The following NECAB2 variants were observed in gnomAD, a reference collection of about 807,000 sequenced individuals.
NECAB2 encodes the protein N-terminal EF-hand calcium binding protein 2.
NECAB2 carries 68 observed loss-of-function variants against 51.9 expected under a neutral mutation model. That is an observed-to-expected ratio of 1.31 (90% CI 1.08 to 1.60). The LOEUF (loss-of-function observed/expected upper bound fraction) is 1.60. Among genes scored for constraint, NECAB2 ranks in the 40% most tolerant of loss-of-function variants. NECAB2 has a pLI of 0.00. For missense variants in NECAB2, 854 were observed against 490.3 expected (o/e 1.74, Z -7.00); for synonymous variants, 329 against 203.5 (o/e 1.62, Z -5.25).
chr16:83,977,134 C>T (rs2084420751), intron 2 of NECAB2, among the ~76,000 whole-genome samples: 1 of 152,234 alleles, frequency 6.6e-6, no homozygotes, highest in Non-Finnish European at 1.5e-5. Flanking sequence ...CATGTGGACT[C>T]TCAGGGCCCT....
In NECAB2 at chr16:83,980,915, G is replaced by A. The variant is rs1158894224; in HGVS notation, c.361+51G>A. ...AAGATGGGGATGCTGGGATGGGGCT[G>A]GATGAGAAGGGCCTGAGGCAGGGGA... is the stretch of plus-strand genomic sequence containing the variant. On this transcript the variant is annotated intron_variant, in intron 4 of 12. Transcript: ENST00000305202. 1.9e-6 allele frequency: 3 copies of A among 1,612,454 alleles called. No homozygotes were observed. The African/African-American group carries it at 4.0e-5, about 22-fold the overall frequency.
chr16:83,989,102 C>G (rs894051008), intron 5 of NECAB2, among the ~76,000 whole-genome samples: 1 of 152,214 alleles, frequency 6.6e-6, no homozygotes, highest in South Asian at 2.1e-4. Flanking sequence ...CTGATCACTT[C>G]TAGCAGCCTT....
At chr16:83,999,269 G>A (rs112081162) in intron 10 of NECAB2, among the ~76,000 whole-genome samples, 14 of 119,702 alleles carry the variant, frequency 1.2e-4, no homozygotes, top group East Asian at 4.9e-4. Context: ...TAGCCAGGAT[G>A]GGGGGGCAGG....
chr16:83,995,709 A>G (rs1208987571), intron 8 of NECAB2, among the ~76,000 whole-genome samples: 1 of 152,110 alleles, frequency 6.6e-6, no homozygotes, highest in Admixed American at 6.6e-5. Flanking sequence ...GTTCTCAGGC[A>G]TTCATGGGGG....
intron 11 of NECAB2, 42 bp downstream of exon 11, chr16:84,000,843 G>A (rs766814587): frequency 1.0e-5 from 14 of 1,388,242 alleles, no homozygotes; most frequent in Admixed American, 3.6e-5. Flanking sequence ...GAGACAGAGG[G>A]AAGTGGGGGG....
At chr16:83,995,291 C>G (rs7203413) in intron 8 of NECAB2, among the ~76,000 whole-genome samples, 19,138 of 152,098 alleles carry the variant, frequency 0.13, 2,195 homozygotes, top group African/African-American at 0.31. Context: ...CAGATGGGCT[C>G]AGGTATCAGT....
intron 2 of NECAB2, among the ~76,000 whole-genome samples, chr16:83,978,068 G>A (rs767299774): frequency 6.6e-6 from 1 of 152,172 alleles, no homozygotes; most frequent in Non-Finnish European, 1.5e-5. Context: ...CACTGGCAGG[G>A]GGCAGATACT....
chr16:84,002,438 A>C lies in NECAB2; in HGVS notation c.*92A>C. ...TTCTAGACAGACACTTTGGTGCAGA[A>C]GCTTCTTTTCAATCCATCCTCCACA... On this transcript the variant is annotated 3_prime_UTR_variant, in exon 13 of 13. Transcript: ENST00000305202. 6.7e-7 allele frequency: 1 copy of C among 1,489,674 alleles called. No homozygotes were observed. Among genetic ancestry groups the C allele is most frequent in the East Asian group, 2.3e-5 (1 of 44,172 alleles). 92.3% of individuals were successfully genotyped at this position (1,489,674 alleles called of 1,614,324 possible). A position where few individuals can be genotyped will look rare whatever the true frequency, so the allele number is the denominator to read the frequency against.
intron 2 of NECAB2, among the ~76,000 whole-genome samples, chr16:83,975,603 T>C (rs950989555): frequency 6.6e-6 from 1 of 152,072 alleles, no homozygotes; most frequent in Non-Finnish European, 1.5e-5. Flanking sequence ...AGAGACTTGT[T>C]TGGCTGAGCT....
intron 1 of NECAB2, 45 bp downstream of exon 1, chr16:83,968,894 A>T (rs1217024841): frequency 9.5e-7 from 1 of 1,048,038 alleles, no homozygotes; most frequent in Non-Finnish European, 1.2e-6. Context: ...CTCCGCTGGG[A>T]CCCGGAGCCC....
upstream of NECAB2, chr16:83,965,852 A>G (rs2084274351): frequency 6.2e-7 from 1 of 1,612,922 alleles, no homozygotes; most frequent in Non-Finnish European, 8.5e-7. Context: ...GAGGAACCCC[A>G]TTGACGTGGA....
intron 6 of NECAB2, 76 bp downstream of exon 6, chr16:83,990,706 G>C: frequency 6.4e-7 from 1 of 1,569,588 alleles, no homozygotes; most frequent in East Asian, 2.3e-5. Context: ...TGCTTGGTGG[G>C]GATGTCTGTG....
chr16:83,983,794 G>A (rs2084517783), intron 5 of NECAB2, among the ~76,000 whole-genome samples: 1 of 152,150 alleles, frequency 6.6e-6, no homozygotes, highest in African/African-American at 2.4e-5. Context: ...ATTTTGTGAA[G>A]TGGTTTTGAA....
chr16:84,002,647 CCACACTGACCA>C lies in NECAB2; in HGVS notation c.*305_*315del. On this transcript the variant is annotated 3_prime_UTR_variant, in exon 13 of 13. Transcript: ENST00000305202. The stretch of plus-strand genomic sequence containing the variant: ...TACCCCTCACATGGCCACGCATGAC[CCACACTGACCA>C]CACCCTGCCCTCTTCGGTGACATTC... 2.0e-6 allele frequency: 1 copy of C among 510,422 alleles called. No individual in the cohort carries two copies. The highest frequency in any genetic ancestry group is 2.1e-5 in the South Asian group (1 of 46,566). The allele number at this position is 510,422 out of a possible 1,614,324, so 31.6% of individuals were successfully genotyped here.
intron 1 of NECAB2, among the ~76,000 whole-genome samples, chr16:83,969,699 G>C (rs71404126): frequency 5.3e-5 from 8 of 151,338 alleles, no homozygotes; most frequent in Admixed American, 4.6e-4. Flanking sequence ...TCTCCCAGCA[G>C]AGAGTGCTAG....
At chr16:83,991,542 T>G (rs929145122) in intron 6 of NECAB2, among the ~76,000 whole-genome samples, 1 of 151,748 alleles carries the variant, frequency 6.6e-6, no homozygotes, top group East Asian at 1.9e-4. Context: ...AATTTTTGTA[T>G]TTTTAGTAGA....
chr16:83,999,207 T>C (rs1567679696), intron 10 of NECAB2, among the ~76,000 whole-genome samples: 1 of 151,546 alleles, frequency 6.6e-6, no homozygotes, highest in African/African-American at 2.4e-5. Flanking sequence ...TGGGCAGGAG[T>C]GCGGCCGTTC....
intron 6 of NECAB2, among the ~76,000 whole-genome samples, chr16:83,991,017 G>T (rs9921393): frequency 6.6e-6 from 1 of 151,964 alleles, no homozygotes; most frequent in Non-Finnish European, 1.5e-5. Flanking sequence ...AAAAAGTGTC[G>T]CTCTGTCGCC....
upstream of NECAB2, among the ~76,000 whole-genome samples, chr16:83,967,916 G>C (rs978909111): frequency 2.0e-5 from 3 of 150,660 alleles, no homozygotes; most frequent in Non-Finnish European, 3.0e-5. Flanking sequence ...TCGGCCGGCC[G>C]GATGGATGGA....
Sources: allele counts gnomAD v4.1 joint callset (sites outside exome capture counted in the v4.1 genomes callset), GRCh38; gene constraint gnomAD v4.1.1; transcripts MANE v1.5; gene names NCBI Gene and HGNC (gene_info 2026-07-23, HGNC 2026-07-21).